CHSY3: variants seen among roughly 807,000 people sequenced by gnomAD.
CHSY3 encodes the protein chondroitin sulfate synthase 3.
Under a neutral mutation model 67.2 loss-of-function variants are expected in CHSY3, and 35 were observed. The observed-to-expected ratio is 0.52, with a 90% CI of 0.40 to 0.69. CHSY3 has a LOEUF of 0.69. CHSY3 is among the 30% of genes least tolerant of loss of function. The probability of loss-of-function intolerance (pLI) is 0.00; values close to 1 mark genes in which losing one functional copy is unlikely to be tolerated. For missense variants in CHSY3, 1,069 were observed against 1,138.5 expected (o/e 0.94, Z 0.88); for synonymous variants, 474 against 434.7 (o/e 1.09, Z -1.12).
chr5:130,089,518 T>A (rs1474116011), intron 2 of CHSY3, among the ~76,000 whole-genome samples: 1 of 152,180 alleles, frequency 6.6e-6, no homozygotes, highest in Non-Finnish European at 1.5e-5. Flanking sequence ...TAGTTTCAAT[T>A]GGCAAATGGT....
chr5:130,085,233 A>G (rs1278431506), intron 2 of CHSY3, among the ~76,000 whole-genome samples: 1 of 152,064 alleles, frequency 6.6e-6, no homozygotes, highest in Non-Finnish European at 1.5e-5. Flanking sequence ...ATTTGTCAAT[A>G]AAAACTAAAA....
At chr5:130,121,267 G>A (rs1768013020) in intron 2 of CHSY3, among the ~76,000 whole-genome samples, 1 of 152,078 alleles carries the variant, frequency 6.6e-6, no homozygotes, top group Non-Finnish European at 1.5e-5. Context: ...CATATAATAG[G>A]GGCTGCATGA....
chr5:130,033,775 TA>T (rs11288252), intron 2 of CHSY3, among the ~76,000 whole-genome samples: 81,562 of 151,722 alleles, frequency 0.54, 22,338 homozygotes, highest in East Asian at 0.67. Context: ...ATATTTGCTT[TA>T]AAAAAAACTT....
chr5:129,979,830 A>G (rs1433277650), intron 2 of CHSY3, among the ~76,000 whole-genome samples: 1 of 152,174 alleles, frequency 6.6e-6, no homozygotes, highest in Non-Finnish European at 1.5e-5. Flanking sequence ...AGAATGTTAT[A>G]TAGTTGGAAC....
At chr5:130,160,891 A>ATTTTTTTTTTT (rs1171885849) in intron 2 of CHSY3, among the ~76,000 whole-genome samples, 1 of 138,256 alleles carries the variant, frequency 7.2e-6, no homozygotes, top group Non-Finnish European at 1.5e-5. Flanking sequence ...TTATTTATTT[A>ATTTTTTTTTTT]TTTATTTTTT....
intron 2 of CHSY3, among the ~76,000 whole-genome samples, chr5:130,163,234 AAC>A (rs1169137094): frequency 6.6e-6 from 1 of 152,220 alleles, no homozygotes; most frequent in African/African-American, 2.4e-5. Context: ...TAACAAAAGA[AAC>A]ACAGTATTGA....
chr5:130,004,505 CA>C, intron 2 of CHSY3, among the ~76,000 whole-genome samples: 1 of 152,194 alleles, frequency 6.6e-6, no homozygotes, highest in South Asian at 2.1e-4. Context: ...AATAGTTACC[CA>C]TTTATTTGCC....
chr5:130,004,572 G>C (rs73785846), intron 2 of CHSY3, among the ~76,000 whole-genome samples: 1 of 152,110 alleles, frequency 6.6e-6, no homozygotes, highest in Non-Finnish European at 1.5e-5. Flanking sequence ...AAGAGAAAAG[G>C]TGATGCAAAA....
intron 2 of CHSY3, among the ~76,000 whole-genome samples, chr5:130,178,247 A>ATTT (rs1356162457): frequency 4.3e-5 from 3 of 69,262 alleles, no homozygotes; most frequent in African/African-American, 2.3e-4. Context: ...ATATATATAT[A>ATTT]TATATATTTT....
intron 2 of CHSY3, among the ~76,000 whole-genome samples, chr5:129,932,978 A>G (rs1170144828): frequency 6.6e-6 from 1 of 152,164 alleles, no homozygotes; most frequent in African/African-American, 2.4e-5. Context: ...GCTTTTCTGA[A>G]CTGAAGACTG....
intron 2 of CHSY3, among the ~76,000 whole-genome samples, chr5:129,969,926 G>T (rs1394372205): frequency 1.3e-5 from 2 of 151,786 alleles, no homozygotes; most frequent in African/African-American, 4.8e-5. Flanking sequence ...ATATTTATTT[G>T]TTGAATAAAT....
In CHSY3 at chr5:130,143,784, GTATATATATATATATATATATGTGTGTA is replaced by G. The variant is rs1462863078; in HGVS notation, c.1087-40423_1087-40396del. Reference sequence around the variant, plus strand: ...TGTGTGTGTGTATATATATATATGTGTATATATATATATATATATATGTGTGTATATATATATATATATATATATATAT... The same window carrying G: ...TGTGTGTGTGTATATATATATATGTGTATATATATATATATATATATATAT... On this transcript the variant is annotated intron_variant, in intron 2 of 2. Transcript: ENST00000305031. Among the ~76,000 whole-genome samples, 53 of 73,828 alleles carry G rather than the reference GTATATATATATATATATATATGTGTGTA, an allele frequency of 7.2e-4. 1 individual carries two copies. The highest frequency in any genetic ancestry group is 1.1e-3 in the Non-Finnish European group (49 of 43,188). 48.4% of individuals were successfully genotyped at this position (73,828 alleles called of 152,430 possible). A position where few individuals can be genotyped will look rare whatever the true frequency, so the allele number is the denominator to read the frequency against.
chr5:129,989,964 G>A (rs4305668), intron 2 of CHSY3, among the ~76,000 whole-genome samples: 80,356 of 151,836 alleles, frequency 0.53, 21,672 homozygotes, highest in Non-Finnish European at 0.59. Context: ...CTCTGTTCCA[G>A]TAAAACTTTA....
At chr5:130,177,216 T>C (rs975520467) in intron 2 of CHSY3, among the ~76,000 whole-genome samples, 8 of 151,086 alleles carry the variant, frequency 5.3e-5, no homozygotes, top group Non-Finnish European at 1.5e-5. Flanking sequence ...TGTGTGTATA[T>C]ATATGTGTGT....
chr5:130,072,440 G>A (rs1168569071), intron 2 of CHSY3, among the ~76,000 whole-genome samples: 1 of 152,022 alleles, frequency 6.6e-6, no homozygotes, highest in Admixed American at 6.6e-5. Context: ...GTGTGTTCTT[G>A]GCATCCTTCT....
intron 2 of CHSY3, among the ~76,000 whole-genome samples, chr5:130,082,504 G>A (rs750724049): frequency 2.4e-4 from 36 of 151,938 alleles, no homozygotes; most frequent in Admixed American, 2.2e-3. Flanking sequence ...TTCTCTTAAC[G>A]ATGTAAGCAC....
rs576512715 is a variant in CHSY3 at position 130,152,478 on chromosome 5, G to A, written c.1087-31751G>A. ...TAATTTTTGTAGATATTTTTATGTC[G>A]ACTTTTTTTCCTTCACCACAGAGTA... On this transcript the variant is annotated intron_variant, in intron 2 of 2. Transcript: ENST00000305031. Among the ~76,000 whole-genome samples the A allele has an allele frequency of 5.3e-5, 8 of 151,988 alleles. No homozygotes were observed. The East Asian group carries it at 1.4e-3, about 26-fold the overall frequency.
At chr5:130,075,752 T>C (rs1005189742) in intron 2 of CHSY3, among the ~76,000 whole-genome samples, 2 of 152,136 alleles carry the variant, frequency 1.3e-5, no homozygotes, top group African/African-American at 4.8e-5. Flanking sequence ...GCTGTGTCAA[T>C]GGTGTGAGAT....
chr5:129,980,625 A>G (rs1043084766), intron 2 of CHSY3, among the ~76,000 whole-genome samples: 3 of 152,146 alleles, frequency 2.0e-5, no homozygotes, highest in African/African-American at 7.2e-5. Flanking sequence ...AATTTATCGA[A>G]GTCCAGCTTA....
Sources: allele counts gnomAD v4.1 joint callset (sites outside exome capture counted in the v4.1 genomes callset), GRCh38; gene constraint gnomAD v4.1.1; transcripts MANE v1.5; gene names NCBI Gene and HGNC (gene_info 2026-07-23, HGNC 2026-07-21).